The following SDK1 variants were observed in gnomAD, a reference collection of about 807,000 sequenced individuals.
SDK1 encodes sidekick cell adhesion molecule 1, also known as protein sidekick-1.
SDK1 carries 157 observed loss-of-function variants against 245.5 expected under a neutral mutation model. The observed-to-expected ratio is 0.64, with a 90% CI of 0.56 to 0.73. The LOEUF (loss-of-function observed/expected upper bound fraction) is 0.73. Ranked by LOEUF, SDK1 falls within the 30% of genes least tolerant of loss-of-function variation. The pLI is 0.00. For synonymous variants in SDK1, 1,647 were observed against 1,278.5 expected (o/e 1.29, Z -6.15); for missense variants, 3,583 against 3,002.3 (o/e 1.19, Z -4.52).
At chr7:3,748,928 T>G (rs1183873536) in intron 4 of SDK1, among the ~76,000 whole-genome samples, 2 of 152,174 alleles carry the variant, frequency 1.3e-5, no homozygotes, top group Non-Finnish European at 2.9e-5. Context: ...AGGAATTCAT[T>G]GACAATAATA....
intron 1 of SDK1, among the ~76,000 whole-genome samples, chr7:3,318,782 C>T (rs545802541): frequency 6.6e-6 from 1 of 152,228 alleles, no homozygotes; most frequent in Admixed American, 6.5e-5. Context: ...GGTTTTAGTA[C>T]TAGAAAAACT....
At position 3,340,874 on chromosome 7, in the gene SDK1, C is replaced by T. The variant is rs971269746; in HGVS notation, c.298+38990C>T. On this transcript the variant is annotated intron_variant, in intron 1 of 44. Coordinates refer to ENST00000404826, the MANE Select transcript of SDK1 (RefSeq NM_152744.4). ...ATTGAATTCTTAATTGAAATGCTCC[C>T]TTAAAAAAGAAAAAATCTCTGGGTC... Among the ~76,000 whole-genome samples, 7 of 152,134 alleles carry T rather than the reference C, an allele frequency of 4.6e-5. No homozygotes were observed. In the South Asian group the frequency reaches 6.2e-4, roughly 14 times the overall value.
At chr7:3,857,660 C>A (rs1199016784) in intron 5 of SDK1, among the ~76,000 whole-genome samples, 2 of 150,610 alleles carry the variant, frequency 1.3e-5, no homozygotes, top group African/African-American at 4.9e-5. Flanking sequence ...GCACTCCAGC[C>A]TGGCCGACAG....
At chr7:3,648,690 A>C (rs1033213953) in intron 4 of SDK1, among the ~76,000 whole-genome samples, 1 of 152,242 alleles carries the variant, frequency 6.6e-6, no homozygotes, top group Non-Finnish European at 1.5e-5. Context: ...ATGTTTTTAT[A>C]GTTAACTAGG....
intron 32 of SDK1, among the ~76,000 whole-genome samples, chr7:4,165,091 A>G (rs1226405961): frequency 6.6e-6 from 1 of 152,130 alleles, no homozygotes; most frequent in Non-Finnish European, 1.5e-5. Flanking sequence ...ATTACTTTAA[A>G]AATGCAAACA....
chr7:3,470,795 T>C (rs536933426), intron 1 of SDK1, among the ~76,000 whole-genome samples: 2 of 152,308 alleles, frequency 1.3e-5, no homozygotes, highest in African/African-American at 2.4e-5. Context: ...CTTAGGCTTA[T>C]GTTTTCCATT....
At chr7:3,436,475 T>A (rs1467081234) in intron 1 of SDK1, among the ~76,000 whole-genome samples, 1 of 152,192 alleles carries the variant, frequency 6.6e-6, no homozygotes, top group Non-Finnish European at 1.5e-5. Context: ...TAATGATGAT[T>A]TAATGTTTGC....
chr7:3,462,087 C>T (rs1340443321), intron 1 of SDK1, among the ~76,000 whole-genome samples: 1 of 152,142 alleles, frequency 6.6e-6, no homozygotes, highest in Non-Finnish European at 1.5e-5. Flanking sequence ...CTCGCTGCCT[C>T]AGCCCACACC....
At chr7:3,684,563 A>C (rs185708304) in intron 4 of SDK1, among the ~76,000 whole-genome samples, 88 of 152,376 alleles carry the variant, frequency 5.8e-4, no homozygotes, top group African/African-American at 2.0e-3. Flanking sequence ...TTATTATATC[A>C]TACCCAAAAT....
At chr7:3,990,719 A>C (rs1784237295) in intron 14 of SDK1, among the ~76,000 whole-genome samples, 1 of 152,212 alleles carries the variant, frequency 6.6e-6, no homozygotes, top group Non-Finnish European at 1.5e-5. Context: ...TCAGCAAATG[A>C]GGTGAAATTC....
At chr7:4,176,280 G>GC (rs1782206491) in intron 34 of SDK1, among the ~76,000 whole-genome samples, 1 of 151,604 alleles carries the variant, frequency 6.6e-6, no homozygotes, top group Non-Finnish European at 1.5e-5. Flanking sequence ...CCCTGCCTCA[G>GC]CCCCCCAAGT....
intron 1 of SDK1, among the ~76,000 whole-genome samples, chr7:3,474,733 C>T (rs1781299663): frequency 6.6e-6 from 1 of 152,162 alleles, no homozygotes; most frequent in African/African-American, 2.4e-5. Flanking sequence ...CTCTGTCACC[C>T]AGGCTGCAGT....
chr7:3,874,808 TTG>T (rs939703228), intron 5 of SDK1, among the ~76,000 whole-genome samples: 32 of 152,320 alleles, frequency 2.1e-4, no homozygotes, highest in Non-Finnish European at 8.8e-5. Context: ...CTTTAGTTTT[TTG>T]TCCTTCACCC....
intron 1 of SDK1, among the ~76,000 whole-genome samples, chr7:3,503,993 T>C (rs900986078): frequency 2.0e-5 from 3 of 151,686 alleles, no homozygotes; most frequent in African/African-American, 4.8e-5. Flanking sequence ...CTACTAAAAA[T>C]ACAAAAATTA....
At position 4,208,080 on chromosome 7, in the gene SDK1, C is replaced by A. The variant is rs746064761; in HGVS notation, c.5215-19C>A. On this transcript the variant is annotated intron_variant, in intron 36 of 44. Transcript: ENST00000404826. ...AGGCTTCCCCAGGACCCACCCCAAC[C>A]TCTTGCTGTTCCTAACAGATTTACT... 2 of 1,598,746 alleles carry A rather than the reference C, an allele frequency of 1.3e-6. No individual in the cohort carries two copies. Among genetic ancestry groups the A allele is most frequent in the Non-Finnish European group, 1.7e-6 (2 of 1,170,866 alleles).
At chr7:3,701,155 C>T (rs1176484289) in intron 4 of SDK1, among the ~76,000 whole-genome samples, 1 of 152,126 alleles carries the variant, frequency 6.6e-6, no homozygotes, top group Non-Finnish European at 1.5e-5. Context: ...TATACAGTAG[C>T]AGTAAGCGTG....
chr7:3,448,554 G>A (rs1040577660), intron 1 of SDK1, among the ~76,000 whole-genome samples: 6 of 151,494 alleles, frequency 4.0e-5, no homozygotes, highest in Non-Finnish European at 5.9e-5. Flanking sequence ...ACAAATATTT[G>A]CCTAAATTCT....
chr7:3,456,400 T>C (rs4719944), intron 1 of SDK1, among the ~76,000 whole-genome samples: 59,264 of 152,028 alleles, frequency 0.39, 12,781 homozygotes, highest in East Asian at 0.52. Flanking sequence ...TCAGTCATTT[T>C]TCTCCCAGTC....
chr7:4,000,500 A>G (rs897224393), intron 14 of SDK1, among the ~76,000 whole-genome samples: 1 of 152,082 alleles, frequency 6.6e-6, no homozygotes, highest in Non-Finnish European at 1.5e-5. Flanking sequence ...AGAATCTCTG[A>G]GCTGCACGGC....
Sources: allele counts gnomAD v4.1 joint callset (sites outside exome capture counted in the v4.1 genomes callset), GRCh38; gene constraint gnomAD v4.1.1; transcripts MANE v1.5; gene names NCBI Gene and HGNC (gene_info 2026-07-23, HGNC 2026-07-21).